The following GALNT13 variants were observed in gnomAD, a reference collection of about 807,000 sequenced individuals.
GALNT13 encodes polypeptide N-acetylgalactosaminyltransferase 13.
GALNT13 carries 28 observed loss-of-function variants against 64.2 expected under a neutral mutation model. That is an observed-to-expected ratio of 0.44 (90% confidence interval 0.32 to 0.60). The LOEUF (loss-of-function observed/expected upper bound fraction) is 0.60, where lower values mean the gene tolerates loss of function less well. Among genes scored for constraint, GALNT13 ranks in the 20% least tolerant of loss-of-function variants. The probability of loss-of-function intolerance (pLI) is 0.05; values close to 1 mark genes in which losing one functional copy is unlikely to be tolerated. For missense variants in GALNT13, 577 were observed against 669.8 expected (o/e 0.86, Z 1.53); for synonymous variants, 214 against 224.6 (o/e 0.95, Z 0.42).
chr2:154,318,536 G>A (rs895458308), intron 9 of GALNT13, among the ~76,000 whole-genome samples: 2 of 152,056 alleles, frequency 1.3e-5, no homozygotes, highest in African/African-American at 4.8e-5. Flanking sequence ...GACTAACCTG[G>A]CCAACATAGT....
the GALNT13 span, among the ~76,000 whole-genome samples, chr2:153,513,621 C>G: frequency 1.3e-5 from 2 of 152,122 alleles, no homozygotes; most frequent in Non-Finnish European, 2.9e-5. Flanking sequence ...TTCAGTAATT[C>G]CATTATTCCT....
chr2:154,154,334 G>C (rs1684270964), intron 4 of GALNT13, among the ~76,000 whole-genome samples: 2 of 152,320 alleles, frequency 1.3e-5, no homozygotes, highest in Admixed American at 1.3e-4. Flanking sequence ...AGGCCTGTGA[G>C]AGGAGAAAAC....
At chr2:153,561,081 T>A in the GALNT13 span, among the ~76,000 whole-genome samples, 1 of 152,048 alleles carries the variant, frequency 6.6e-6, no homozygotes, top group Admixed American at 6.6e-5. Flanking sequence ...AACCTTCCCT[T>A]CCATTATATC....
intron 3 of GALNT13, among the ~76,000 whole-genome samples, chr2:154,003,201 A>C (rs1178072070): frequency 6.6e-6 from 1 of 152,040 alleles, no homozygotes. Context: ...TCTTCTTTCC[A>C]ATTTACCCCA....
At chr2:154,038,435 A>G (rs13411046) in intron 3 of GALNT13, among the ~76,000 whole-genome samples, 9,322 of 152,222 alleles carry the variant, frequency 0.061, 591 homozygotes, top group African/African-American at 0.16. Flanking sequence ...CCAATAGAAC[A>G]GAATAGAAAA....
the GALNT13 span, among the ~76,000 whole-genome samples, chr2:153,588,364 C>T: frequency 6.6e-6 from 1 of 152,236 alleles, no homozygotes; most frequent in Admixed American, 6.5e-5. Context: ...GCCCCTGCAG[C>T]AAACTCCTGC....
the GALNT13 span, among the ~76,000 whole-genome samples, chr2:153,147,317 CA>C: frequency 4.0e-5 from 6 of 150,390 alleles, no homozygotes; most frequent in Admixed American, 6.6e-5. Flanking sequence ...TCAGAGTGGT[CA>C]GGGGCAGCCG....
At chr2:154,152,800 C>A (rs1362244040) in intron 4 of GALNT13, among the ~76,000 whole-genome samples, 1 of 152,176 alleles carries the variant, frequency 6.6e-6, no homozygotes, top group Non-Finnish European at 1.5e-5. Context: ...TTAAGCACTT[C>A]TCTGTATTGG....
At chr2:153,327,514 C>A in the GALNT13 span, among the ~76,000 whole-genome samples, 3 of 151,790 alleles carry the variant, frequency 2.0e-5, no homozygotes, top group Non-Finnish European at 4.4e-5. Flanking sequence ...TTTCTCTAAT[C>A]TTGTCCTCAC....
At chr2:153,221,140 T>A in the GALNT13 span, among the ~76,000 whole-genome samples, 1 of 152,128 alleles carries the variant, frequency 6.6e-6, no homozygotes, top group Non-Finnish European at 1.5e-5. Context: ...ACCCCTGAAC[T>A]TAAAAGCTGA....
chr2:153,129,253 A>G, the GALNT13 span, among the ~76,000 whole-genome samples: 2 of 152,186 alleles, frequency 1.3e-5, no homozygotes. Flanking sequence ...TTGAGGAAGA[A>G]AGACTACAAA....
At chr2:153,759,798 G>T in the GALNT13 span, among the ~76,000 whole-genome samples, 2 of 151,688 alleles carry the variant, frequency 1.3e-5, no homozygotes, top group South Asian at 2.1e-4. Context: ...TCCTTGTCTG[G>T]CTTTGGTACC....
At chr2:153,339,783 T>C in the GALNT13 span, among the ~76,000 whole-genome samples, 3,748 of 152,300 alleles carry the variant, frequency 0.025, 52 homozygotes, top group Middle Eastern at 0.078. Context: ...TTTTAATACA[T>C]TGTAAAATAA....
chr2:153,703,508 T>A, the GALNT13 span, among the ~76,000 whole-genome samples: 2 of 152,168 alleles, frequency 1.3e-5, no homozygotes, highest in Non-Finnish European at 2.9e-5. Context: ...CTTTCCTATT[T>A]CTTTCTTCCC....
the GALNT13 span, among the ~76,000 whole-genome samples, chr2:153,741,313 A>G: frequency 1.3e-5 from 2 of 151,888 alleles, no homozygotes; most frequent in African/African-American, 4.8e-5. Context: ...CCATGTATTA[A>G]TATGCTTTGC....
chr2:154,288,009 G>T (rs1022819436), intron 8 of GALNT13, among the ~76,000 whole-genome samples: 17 of 151,912 alleles, frequency 1.1e-4, no homozygotes, highest in African/African-American at 4.1e-4. Context: ...GTATTAGTCC[G>T]TTCTCACACT....
the GALNT13 span, among the ~76,000 whole-genome samples, chr2:153,850,182 AAAAAAAAG>A: frequency 4.5e-3 from 169 of 37,888 alleles, no homozygotes; most frequent in Middle Eastern, 0.023. Flanking sequence ...CCGTCTAAAA[AAAAAAAAG>A]AAAAAGAAAA....
chr2:153,406,035 G>C, the GALNT13 span, among the ~76,000 whole-genome samples: 1 of 152,174 alleles, frequency 6.6e-6, no homozygotes, highest in Admixed American at 6.5e-5. Flanking sequence ...AGAGAAAAGA[G>C]AAAGTTGCTA....
the GALNT13 span, among the ~76,000 whole-genome samples, chr2:153,866,404 C>T: frequency 6.6e-6 from 1 of 152,156 alleles, no homozygotes; most frequent in African/African-American, 2.4e-5. Context: ...CAACAACCAC[C>T]TCCCTTTATA....
Sources: allele counts gnomAD v4.1 joint callset (sites outside exome capture counted in the v4.1 genomes callset), GRCh38; gene constraint gnomAD v4.1.1; transcripts MANE v1.5; gene names NCBI Gene and HGNC (gene_info 2026-07-23, HGNC 2026-07-21).